Variants in BMAL1 observed in about 807,000 individuals in gnomAD.
BMAL1 encodes basic helix-loop-helix ARNT like 1, also known as basic helix-loop-helix ARNT-like protein 1.
chr11:13,322,329 A>G, the BMAL1 span, among the ~76,000 whole-genome samples: 1 of 151,892 alleles, frequency 6.6e-6, no homozygotes, highest in Non-Finnish European at 1.5e-5. Flanking sequence ...ACCTCGCAAC[A>G]CCCTGAGATA....
chr11:13,279,263 C>T, the BMAL1 span, among the ~76,000 whole-genome samples: 1 of 152,258 alleles, frequency 6.6e-6, no homozygotes, highest in African/African-American at 2.4e-5. Context: ...CTTTTCTTGA[C>T]ACTACCCGTA....
chr11:13,309,388 T>A, the BMAL1 span, among the ~76,000 whole-genome samples: 1 of 152,230 alleles, frequency 6.6e-6, no homozygotes, highest in African/African-American at 2.4e-5. Flanking sequence ...CTTCTTAGAT[T>A]CTGGGAGCCT....
the BMAL1 span, among the ~76,000 whole-genome samples, chr11:13,348,051 C>T: frequency 2.0e-5 from 3 of 152,068 alleles, no homozygotes; most frequent in Admixed American, 2.0e-4. Context: ...AGAATGGTCA[C>T]AGGGCGTGAA....
chr11:13,306,965 G>T, the BMAL1 span, among the ~76,000 whole-genome samples: 1 of 152,214 alleles, frequency 6.6e-6, no homozygotes, highest in African/African-American at 2.4e-5. Context: ...CGAAGGGGGA[G>T]AGCCTTTCTC....
At chr11:13,361,723 G>A in the BMAL1 span, among the ~76,000 whole-genome samples, 2 of 152,108 alleles carry the variant, frequency 1.3e-5, no homozygotes, top group African/African-American at 2.4e-5. Context: ...GTTATGTTGG[G>A]TTGCTGCAGT....
At chr11:13,286,435 C>A in the BMAL1 span, among the ~76,000 whole-genome samples, 2 of 152,216 alleles carry the variant, frequency 1.3e-5, no homozygotes, top group Non-Finnish European at 2.9e-5. Flanking sequence ...CAGCCACTGA[C>A]TGGCTGAGTA....
At chr11:13,297,216 C>T in the BMAL1 span, among the ~76,000 whole-genome samples, 165 of 152,332 alleles carry the variant, frequency 1.1e-3, 6 homozygotes, top group South Asian at 0.032. Context: ...TGCTGCTCCC[C>T]TCAGCATGGA....
At chr11:13,365,365 T>A in the BMAL1 span, 7 of 609,060 alleles carry the variant, frequency 1.1e-5, no homozygotes, top group East Asian at 7.0e-5. Flanking sequence ...CATCCTGCAC[T>A]CAGGATATCA....
At chr11:13,334,230 T>C in the BMAL1 span, among the ~76,000 whole-genome samples, 2 of 152,212 alleles carry the variant, frequency 1.3e-5, no homozygotes, top group Non-Finnish European at 2.9e-5. Context: ...GCCCGTGCTC[T>C]TAGTTGTGGT....
the BMAL1 span, among the ~76,000 whole-genome samples, chr11:13,326,976 C>T: frequency 1.3e-5 from 2 of 151,962 alleles, no homozygotes; most frequent in Non-Finnish European, 2.9e-5. Context: ...CCCGCCACCA[C>T]GCCCGGCTAA....
the BMAL1 span, among the ~76,000 whole-genome samples, chr11:13,307,843 C>T: frequency 5.3e-5 from 8 of 152,148 alleles, no homozygotes; most frequent in Admixed American, 1.3e-4. Context: ...CAGCCTGCCC[C>T]GAGGCCCGCG....
the BMAL1 span, among the ~76,000 whole-genome samples, chr11:13,288,097 G>A: frequency 9.0e-3 from 1,366 of 152,240 alleles, 14 homozygotes; most frequent in African/African-American, 0.031. Flanking sequence ...GTGGCTGAGC[G>A]GAAACAGCAT....
chr11:13,370,208 C>T, the BMAL1 span, among the ~76,000 whole-genome samples: 1 of 152,168 alleles, frequency 6.6e-6, no homozygotes, highest in African/African-American at 2.4e-5. Flanking sequence ...CTCCCCGACC[C>T]CCTGCTGCTA....
At chr11:13,330,468 C>G in the BMAL1 span, among the ~76,000 whole-genome samples, 1 of 152,366 alleles carries the variant, frequency 6.6e-6, no homozygotes, top group South Asian at 2.1e-4. Context: ...TTAAAAAATA[C>G]ATCATTGCAG....
chr11:13,284,198 G>A, the BMAL1 span, among the ~76,000 whole-genome samples: 59,288 of 71,628 alleles, frequency 0.83, 24,343 homozygotes, highest in Non-Finnish European at 0.88. Context: ...ATATATGTGT[G>A]TATATATATA....
At chr11:13,281,528 T>A in the BMAL1 span, among the ~76,000 whole-genome samples, 1 of 152,194 alleles carries the variant, frequency 6.6e-6, no homozygotes, top group Non-Finnish European at 1.5e-5. Flanking sequence ...GTATTTCTTT[T>A]ATTTTTTTAA....
At chr11:13,355,051 T>G in the BMAL1 span, 3 of 513,608 alleles carry the variant, frequency 5.8e-6, no homozygotes, top group Non-Finnish European at 1.0e-5. Context: ...CTTCTATATA[T>G]GTACAAACAC....
chr11:13,384,197 C>G, the BMAL1 span, among the ~76,000 whole-genome samples: 1 of 152,096 alleles, frequency 6.6e-6, no homozygotes, highest in East Asian at 1.9e-4. Context: ...TCTGAGCTTT[C>G]AAGCAAAAAT....
chr11:13,289,670 A>T, the BMAL1 span, among the ~76,000 whole-genome samples: 1 of 152,128 alleles, frequency 6.6e-6, no homozygotes, highest in Non-Finnish European at 1.5e-5. Flanking sequence ...GCTCAGAATG[A>T]TGGTTTCTAG....
Sources: gnomAD v4.1 joint callset for allele counts (sites outside exome capture counted in the v4.1 genomes callset) on GRCh38, gnomAD v4.1.1 for gene constraint, MANE v1.5 for transcripts, NCBI Gene and HGNC (gene_info 2026-07-23, HGNC 2026-07-21) for gene names.